FANCD2: variants seen among roughly 807,000 people sequenced by gnomAD.
FANCD2 encodes the protein FA complementation group D2.
In FANCD2, 131 loss-of-function variants were observed where a neutral mutation model predicts 192.3. That is an observed-to-expected ratio of 0.68 (90% CI 0.59 to 0.79). FANCD2 has a LOEUF of 0.79. Among genes scored for constraint, FANCD2 ranks in the 30% least tolerant of loss-of-function variants. FANCD2 has a pLI of 0.00. For synonymous variants in FANCD2, 524 were observed against 612.5 expected (o/e 0.86, Z 2.13); for missense variants, 1,508 against 1,701.6 (o/e 0.89, Z 2.00).
At chr3:10,071,489 TG>T (rs1693243326) in intron 26 of FANCD2, among the ~76,000 whole-genome samples, 1 of 152,224 alleles carries the variant, frequency 6.6e-6, no homozygotes, top group African/African-American at 2.4e-5. Flanking sequence ...GTATACACAA[TG>T]GAGTACTATT....
At chr3:10,078,252 G>A (rs1693639857) in intron 30 of FANCD2, 55 bp downstream of exon 30, 2 of 1,195,506 alleles carry the variant, frequency 1.7e-6, no homozygotes, top group Admixed American at 3.4e-5. Context: ...GAACAAAGGA[G>A]GTATTATGAT....
intron 18 of FANCD2, among the ~76,000 whole-genome samples, chr3:10,054,557 C>A (rs1336578402): frequency 1.1e-4 from 14 of 132,070 alleles, no homozygotes; most frequent in African/African-American, 3.7e-4. Flanking sequence ...AATCTCGGCT[C>A]CCTGCAAACT....
Position 10,072,980 on chromosome 3 carries a change from A to C in FANCD2, c.2604A>C (p.Ile868=), listed in dbSNP as rs1439107759. The change falls in exon 27 of 44, where the codon ATA becomes ATC. Residue 868 remains isoleucine, a splice_region_variant and synonymous_variant. Coordinates refer to ENST00000675286, the MANE Select transcript of FANCD2 (RefSeq NM_001018115.3). ...ISAKIRKKGK[I]ERKQKTDGSK... Reference sequence around the variant, plus strand: ...CAAAAATCAGAAAGAAAGGAAAAATAGGTAAGTATGTTCTTTTCCTCTTGT... The same window carrying C: ...CAAAAATCAGAAAGAAAGGAAAAATCGGTAAGTATGTTCTTTTCCTCTTGT... The C allele has an allele frequency of 2.7e-6, 4 of 1,504,578 alleles. No homozygotes were observed. The highest frequency in any genetic ancestry group is 2.8e-5 in the African/African-American group (2 of 72,680). 93.2% of individuals were successfully genotyped at this position (1,504,578 alleles called of 1,614,324 possible).
intron 7 of FANCD2, 60 bp from the exon 8 acceptor site, chr3:10,039,219 G>A: frequency 8.0e-7 from 1 of 1,250,078 alleles, no homozygotes; most frequent in Non-Finnish European, 1.2e-6. Context: ...CAGTATTAAT[G>A]CTTGCTGTTA....
At chr3:10,054,368 C>T (rs1263084343) in intron 18 of FANCD2, among the ~76,000 whole-genome samples, 14 of 105,458 alleles carry the variant, frequency 1.3e-4, no homozygotes, top group South Asian at 2.9e-4. Flanking sequence ...TATATATATA[C>T]GTGTATATAC....
chr3:10,056,776 G>A (rs1272893355), intron 18 of FANCD2, among the ~76,000 whole-genome samples: 1 of 152,132 alleles, frequency 6.6e-6, no homozygotes, highest in Non-Finnish European at 1.5e-5. Context: ...AATGACTAAT[G>A]ATGTTAAGCA....
At chr3:10,072,758 C>T in intron 26 of FANCD2, 113 bp from the exon 27 acceptor site, 2 of 725,326 alleles carry the variant, frequency 2.8e-6, no homozygotes. Context: ...AAGCATTCAG[C>T]CATGCTTGGT....
chr3:10,081,529 G>T, intron 32 of FANCD2, 65 bp downstream of exon 32: 1 of 1,071,846 alleles, frequency 9.3e-7, no homozygotes, highest in Non-Finnish European at 1.5e-6. Flanking sequence ...AGTCACCAAG[G>T]CACTGAAATG....
intron 14 of FANCD2, among the ~76,000 whole-genome samples, chr3:10,044,921 C>T (rs530517432): frequency 6.6e-6 from 1 of 151,648 alleles, no homozygotes; most frequent in African/African-American, 2.4e-5. Flanking sequence ...CATTTTTTCT[C>T]CTGTCATAAA....
At chr3:10,079,605 C>T (rs1312051942) in intron 30 of FANCD2, among the ~76,000 whole-genome samples, 1 of 152,192 alleles carries the variant, frequency 6.6e-6, no homozygotes, top group South Asian at 2.1e-4. Context: ...GGATTATAGG[C>T]GTGAGCACTG....
chr3:10,087,369 C>T (rs1694281342), intron 34 of FANCD2, 105 bp downstream of exon 34: 4 of 1,112,274 alleles, frequency 3.6e-6, no homozygotes, highest in South Asian at 2.9e-5. Flanking sequence ...ATGTAAATCC[C>T]CACATAACCT....
chr3:10,052,582 G>A (rs554043344), intron 18 of FANCD2, 85 bp downstream of exon 18: 30 of 901,074 alleles, frequency 3.3e-5, no homozygotes, highest in South Asian at 1.9e-4. Flanking sequence ...CAGTTGGCAC[G>A]ATCTCAGCTC....
At chr3:10,029,707 T>C (rs1003069216) in intron 2 of FANCD2, among the ~76,000 whole-genome samples, 1 of 152,200 alleles carries the variant, frequency 6.6e-6, no homozygotes, top group Non-Finnish European at 1.5e-5. Context: ...GTGTACCCAA[T>C]GTGTATTTTT....
chr3:10,099,407 GAGTCCGGGAGCTCA>G (rs1484497129), intron 43 of FANCD2: 2 of 967,314 alleles, frequency 2.1e-6, no homozygotes, highest in African/African-American at 3.5e-5. Context: ...AGGATTGCTT[GAGTCCGGGAGCTCA>G]AGGCAAAGCT....
At chr3:10,078,287 A>T in intron 30 of FANCD2, 90 bp downstream of exon 30, 2 of 865,860 alleles carry the variant, frequency 2.3e-6, no homozygotes, top group Non-Finnish European at 4.0e-6. Flanking sequence ...TTTCTTTGGC[A>T]TTGTGTTTGG....
intron 32 of FANCD2, among the ~76,000 whole-genome samples, chr3:10,082,605 G>A (rs56048698): frequency 2.8e-4 from 43 of 152,004 alleles, no homozygotes; most frequent in Middle Eastern, 6.8e-3. Flanking sequence ...TAGCTTTTAC[G>A]TGGGAGGCTT....
intron 18 of FANCD2, among the ~76,000 whole-genome samples, chr3:10,056,170 C>T (rs1304080630): frequency 6.6e-6 from 1 of 152,208 alleles, no homozygotes; most frequent in African/African-American, 2.4e-5. Context: ...TGAGCCACTG[C>T]GCCCGGCCCC....
chr3:10,093,142 T>A, intron 38 of FANCD2, 143 bp from the exon 39 acceptor site: 1 of 686,740 alleles, frequency 1.5e-6, no homozygotes, highest in Non-Finnish European at 2.6e-6. Flanking sequence ...TATTCTGCTT[T>A]GTAATATTAA....
At chr3:10,040,019 G>C in intron 9 of FANCD2, 174 bp downstream of exon 9, 12 of 569,220 alleles carry the variant, frequency 2.1e-5, no homozygotes, top group East Asian at 6.0e-5. Context: ...TATTTGAATA[G>C]ATCCACATAC....
Sources: gnomAD v4.1 joint callset for allele counts (sites outside exome capture counted in the v4.1 genomes callset) on GRCh38, gnomAD v4.1.1 for gene constraint, MANE v1.5 for transcripts, NCBI Gene and HGNC (gene_info 2026-07-23, HGNC 2026-07-21) for gene names.